Variants in FRMD6 observed in about 807,000 individuals in gnomAD.
FRMD6 encodes FERM domain-containing protein 6.
In FRMD6, 37 loss-of-function variants were observed where a neutral mutation model predicts 73.2. The observed-to-expected ratio is 0.51, with a 90% CI of 0.39 to 0.66. The LOEUF (loss-of-function observed/expected upper bound fraction) is 0.66. Ranked by LOEUF, FRMD6 falls within the 30% of genes least tolerant of loss-of-function variation. FRMD6 has a pLI of 0.00. For synonymous variants in FRMD6, 273 were observed against 282.2 expected, an observed-to-expected ratio of 0.97 and a Z score of 0.33; for missense variants, 714 against 780.5, an observed-to-expected ratio of 0.91 and a Z score of 1.02.
At chr14:51,498,552 G>C (rs1010182759) in intron 1 of FRMD6, among the ~76,000 whole-genome samples, 4 of 152,182 alleles carry the variant, frequency 2.6e-5, no homozygotes, top group Non-Finnish European at 5.9e-5. Flanking sequence ...TATGCACGTG[G>C]CTGCCTTCAG....
intron 1 of FRMD6, among the ~76,000 whole-genome samples, chr14:51,558,820 G>A: frequency 6.6e-6 from 1 of 151,980 alleles, no homozygotes. Context: ...TCACTGTCAG[G>A]ATGCCACCTG....
intron 1 of FRMD6, among the ~76,000 whole-genome samples, chr14:51,506,566 T>C (rs1184162704): frequency 6.6e-6 from 1 of 152,006 alleles, no homozygotes. Flanking sequence ...AGGAGGAAAA[T>C]GGGTGTTTTC....
At chr14:51,460,135 T>C in the FRMD6 span, among the ~76,000 whole-genome samples, 17 of 152,140 alleles carry the variant, frequency 1.1e-4, no homozygotes, top group African/African-American at 3.9e-4. Context: ...AGCTGCTATA[T>C]GCCAGAAATT....
chr14:51,702,167 T>TGGTCACC (rs1896361051), intron 4 of FRMD6, among the ~76,000 whole-genome samples: 1 of 152,002 alleles, frequency 6.6e-6, no homozygotes, highest in Non-Finnish European at 1.5e-5. Flanking sequence ...AAGGAGCAAA[T>TGGTCACC]GGTCACCACA....
intron 1 of FRMD6, among the ~76,000 whole-genome samples, chr14:51,675,045 G>A (rs933604224): frequency 3.3e-5 from 5 of 152,106 alleles, no homozygotes; most frequent in Admixed American, 6.5e-5. Context: ...CAGAAATAAT[G>A]CCTGTGAATT....
rs1317423757 is a variant in FRMD6 at position 51,729,956 on chromosome 14, G to A, written c.*1927G>A. 2 of 152,572 alleles carry A rather than the reference G, an allele frequency of 1.3e-5. No homozygotes were observed. Among genetic ancestry groups the A allele is most frequent in the Admixed American group, 1.3e-4 (2 of 15,278 alleles). 9.5% of individuals were successfully genotyped at this position (152,572 alleles called of 1,614,324 possible). On this transcript the variant is annotated 3_prime_UTR_variant, in exon 14 of 14. Transcript: ENST00000344768. ...GAAGTATCTCAGTCTCTGCATAAGA[G>A]GATTAAAGTATGAAAGGATCATTTA... is the stretch of plus-strand genomic sequence containing the variant.
At chr14:51,653,548 T>A (rs925241865) in intron 1 of FRMD6, among the ~76,000 whole-genome samples, 12 of 152,110 alleles carry the variant, frequency 7.9e-5, no homozygotes, top group African/African-American at 2.7e-4. Flanking sequence ...GATGAGAAAT[T>A]TTTTTTTAGA....
chr14:51,440,256 C>G, the FRMD6 span, among the ~76,000 whole-genome samples: 146 of 152,200 alleles, frequency 9.6e-4, 1 homozygote, highest in African/African-American at 3.4e-3. Context: ...TGAATATACT[C>G]GTTAAAAATA....
intron 1 of FRMD6, among the ~76,000 whole-genome samples, chr14:51,673,691 T>A (rs557666539): frequency 6.6e-6 from 1 of 152,276 alleles, no homozygotes; most frequent in African/African-American, 2.4e-5. Context: ...TCCCCAAAAC[T>A]GGAAGAAACG....
chr14:51,654,752 G>A (rs1892703769), intron 1 of FRMD6, among the ~76,000 whole-genome samples: 2 of 152,098 alleles, frequency 1.3e-5, no homozygotes, highest in African/African-American at 4.8e-5. Context: ...ATCCCAGATG[G>A]CATTCACAAA....
intron 10 of FRMD6, among the ~76,000 whole-genome samples, chr14:51,719,513 G>A (rs1897415411): frequency 6.6e-6 from 1 of 152,230 alleles, no homozygotes; most frequent in Admixed American, 6.5e-5. Flanking sequence ...TAAGCTAACA[G>A]TGGAACAAAT....
At chr14:51,525,256 A>G (rs1372538152) in intron 1 of FRMD6, among the ~76,000 whole-genome samples, 1 of 151,668 alleles carries the variant, frequency 6.6e-6, no homozygotes, top group Non-Finnish European at 1.5e-5. Flanking sequence ...GCCCTTCTTT[A>G]TTTATTTATT....
At chr14:51,630,406 G>A (rs1891290510) in intron 2 of FRMD6, among the ~76,000 whole-genome samples, 1 of 152,070 alleles carries the variant, frequency 6.6e-6, no homozygotes, top group African/African-American at 2.4e-5. Context: ...CATCTAGTTC[G>A]AAGTTGGATT....
the FRMD6 span, among the ~76,000 whole-genome samples, chr14:51,458,046 G>A: frequency 6.6e-6 from 1 of 152,160 alleles, no homozygotes; most frequent in Admixed American, 6.5e-5. Flanking sequence ...TGGAATGTGG[G>A]CCAGATAAAG....
the FRMD6 span, among the ~76,000 whole-genome samples, chr14:51,404,813 G>A: frequency 6.6e-6 from 1 of 152,212 alleles, no homozygotes; most frequent in East Asian, 1.9e-4. Context: ...GTACATGCAG[G>A]TTTGTTATGT....
chr14:51,511,937 G>C (rs1474123086), intron 1 of FRMD6, among the ~76,000 whole-genome samples: 1 of 151,906 alleles, frequency 6.6e-6, no homozygotes, highest in Non-Finnish European at 1.5e-5. Flanking sequence ...AACAGAGCTA[G>C]GGTTAATATA....
At chr14:51,504,402 G>A (rs1883825785) in intron 1 of FRMD6, among the ~76,000 whole-genome samples, 1 of 152,234 alleles carries the variant, frequency 6.6e-6, no homozygotes, top group South Asian at 2.1e-4. Context: ...CCAGTCAGGA[G>A]AAACGGGGTC....
intron 1 of FRMD6, among the ~76,000 whole-genome samples, chr14:51,548,080 T>C (rs1260324378): frequency 3.3e-5 from 5 of 152,202 alleles, no homozygotes; most frequent in Non-Finnish European, 7.3e-5. Context: ...TAATTACCAA[T>C]TTATTTTCTC....
At chr14:51,473,150 G>A in the FRMD6 span, among the ~76,000 whole-genome samples, 6,835 of 152,194 alleles carry the variant, frequency 0.045, 246 homozygotes, top group Middle Eastern at 0.1. Context: ...TGCTTCCCAC[G>A]TCAGGATAAT....
Sources: gnomAD v4.1 joint callset for allele counts (sites outside exome capture counted in the v4.1 genomes callset) on GRCh38, gnomAD v4.1.1 for gene constraint, MANE v1.5 for transcripts, NCBI Gene and HGNC (gene_info 2026-07-23, HGNC 2026-07-21) for gene names.